Variants in DIPK1A observed in about 807,000 individuals in gnomAD.
DIPK1A encodes the protein divergent protein kinase domain 1A.
A neutral mutation model predicts 40.8 loss-of-function variants in DIPK1A; 27 were observed. The ratio of observed to expected loss-of-function variants is 0.66; its 90% CI spans 0.49 to 0.91. The LOEUF (loss-of-function observed/expected upper bound fraction) is 0.91. Ranked by LOEUF, DIPK1A falls within the 40% of genes least tolerant of loss-of-function variation. The pLI is 0.00. For missense variants in DIPK1A, 412 were observed against 505.7 expected (o/e 0.81, Z 1.78); for synonymous variants, 166 against 171.3 (o/e 0.97, Z 0.24).
At chr1:92,927,834 C>T (rs1194669641) in intron 1 of DIPK1A, among the ~76,000 whole-genome samples, 2 of 152,050 alleles carry the variant, frequency 1.3e-5, no homozygotes, top group Non-Finnish European at 2.9e-5. Flanking sequence ...ATGGATATAC[C>T]ACATTTTATT....
At chr1:92,932,779 A>G (rs6604030) in intron 1 of DIPK1A, 53,202 of 152,064 alleles carry the variant, frequency 0.35, 9,759 homozygotes, top group African/African-American at 0.38. Flanking sequence ...GTGGTTGCTA[A>G]GGGTTGGAGG....
At chr1:92,878,725 C>T (rs1474186108) in intron 1 of DIPK1A, among the ~76,000 whole-genome samples, 1 of 152,114 alleles carries the variant, frequency 6.6e-6, no homozygotes, top group Non-Finnish European at 1.5e-5. Flanking sequence ...GAGTCTGAGG[C>T]AGGAGAATAG....
chr1:92,861,737 T>C (rs1300841808), intron 2 of DIPK1A, among the ~76,000 whole-genome samples: 1 of 152,052 alleles, frequency 6.6e-6, no homozygotes, highest in Non-Finnish European at 1.5e-5. Context: ...TAAAACTCTT[T>C]CCTATGGCTT....
chr1:92,877,276 T>C (rs1185366576), intron 1 of DIPK1A: 2 of 316,806 alleles, frequency 6.3e-6, no homozygotes, highest in Admixed American at 1.3e-4. Flanking sequence ...TTGACATTTA[T>C]TTTTTGAGTC....
intron 2 of DIPK1A, among the ~76,000 whole-genome samples, chr1:92,857,035 G>T (rs1048614041): frequency 6.6e-6 from 1 of 152,190 alleles, no homozygotes; most frequent in African/African-American, 2.4e-5. Context: ...TCAGAATGAC[G>T]TGAGCAGTTT....
rs12124545 is a variant in DIPK1A, at chr1:92,906,041, C to T, written c.55-29611G>A. On this transcript the variant is annotated intron_variant, in intron 1 of 4. Transcript: ENST00000370310. ...GTTATAATAGCTCTGTAGTATAATT[C>T]TAAGTCAAGTAATGTCATTCCTTTA... 7.9e-3 allele frequency among the ~76,000 whole-genome samples: 1,194 copies of T among 152,100 alleles called. 6 individuals are homozygous for T. Among genetic ancestry groups the T allele is most frequent in the Non-Finnish European group, 0.013 (874 of 67,972 alleles).
intron 1 of DIPK1A, among the ~76,000 whole-genome samples, chr1:92,959,816 C>A (rs1263305984): frequency 6.7e-6 from 1 of 149,994 alleles, no homozygotes; most frequent in Non-Finnish European, 1.5e-5. Flanking sequence ...GGCGTGATCT[C>A]AGCTCACTGC....
intron 1 of DIPK1A, among the ~76,000 whole-genome samples, chr1:92,884,859 A>G (rs1648525739): frequency 6.6e-6 from 1 of 152,242 alleles, no homozygotes; most frequent in Admixed American, 6.5e-5. Context: ...GCTTATTAAT[A>G]TAACAATTTT....
At chr1:92,939,716 G>A (rs1651080081) in intron 1 of DIPK1A, among the ~76,000 whole-genome samples, 1 of 152,178 alleles carries the variant, frequency 6.6e-6, no homozygotes, top group Non-Finnish European at 1.5e-5. Context: ...CACTTTGGGA[G>A]GCCAAGGCAG....
chr1:92,939,446 C>T (rs1651068386), intron 1 of DIPK1A, among the ~76,000 whole-genome samples: 1 of 152,094 alleles, frequency 6.6e-6, no homozygotes, highest in Non-Finnish European at 1.5e-5. Context: ...CTTAATAGAG[C>T]AGTCAGCAGT....
At chr1:92,953,304 T>C (rs1449795203) in intron 1 of DIPK1A, among the ~76,000 whole-genome samples, 2 of 150,596 alleles carry the variant, frequency 1.3e-5, no homozygotes, top group African/African-American at 4.9e-5. Context: ...TTGTGTATTG[T>C]TGGTGGGAAT....
chr1:92,919,981 T>C (rs1650208935), intron 1 of DIPK1A, among the ~76,000 whole-genome samples: 1 of 152,252 alleles, frequency 6.6e-6, no homozygotes. Context: ...TACACAAGTA[T>C]ATCACAGGCT....
At chr1:92,932,895 G>A (rs951412874) in intron 1 of DIPK1A, 1 of 152,176 alleles carries the variant, frequency 6.6e-6, no homozygotes, top group Non-Finnish European at 1.5e-5. Context: ...CCCAAAGAAT[G>A]TACATCAAGA....
chr1:92,927,828 A>G (rs1650582412), intron 1 of DIPK1A, among the ~76,000 whole-genome samples: 1 of 152,200 alleles, frequency 6.6e-6, no homozygotes, highest in African/African-American at 2.4e-5. Flanking sequence ...CACTGTATGG[A>G]TATACCACAT....
At chr1:92,916,437 G>T (rs984528274) in intron 1 of DIPK1A, among the ~76,000 whole-genome samples, 16 of 151,832 alleles carry the variant, frequency 1.1e-4, no homozygotes, top group South Asian at 1.0e-3. Context: ...AAGTAGCTGG[G>T]ATTACAGGTG....
rs150375325 is a variant in DIPK1A at position 92,833,612 on chromosome 1, C to T, written c.475-578G>A. ...AAGATAAAAATAAATACAACACACC[C>T]AAATACAGGATGATAGTTCGTGTGA... On this transcript the variant is annotated intron_variant, in intron 4 of 4. Coordinates refer to the DIPK1A transcript ENST00000615519. 45 of 1,612,444 alleles carry T rather than the reference C, an allele frequency of 2.8e-5. No individual in the cohort carries two copies. In the African/African-American group the frequency reaches 5.3e-4, roughly 19 times the overall value.
downstream of DIPK1A, among the ~76,000 whole-genome samples, chr1:92,839,470 T>C (rs1687266989): frequency 6.6e-6 from 1 of 152,074 alleles, no homozygotes; most frequent in African/African-American, 2.4e-5. Context: ...TAGGGATAGA[T>C]TGGTGGTAGT....
At chr1:92,895,306 A>G (rs1404443033) in intron 1 of DIPK1A, among the ~76,000 whole-genome samples, 2 of 152,128 alleles carry the variant, frequency 1.3e-5, no homozygotes, top group Non-Finnish European at 2.9e-5. Flanking sequence ...CTTATCCACC[A>G]TGATCAAGTG....
In DIPK1A at chr1:92,961,269, G is replaced by A. The variant is rs1277376436; in HGVS notation, c.54+107C>T. The A allele has an allele frequency of 6.6e-6, 5 of 753,498 alleles. 1 individual carries two copies. The South Asian group carries it at 6.8e-5, about 10-fold the overall frequency. The allele number at this position is 753,498 out of a possible 1,614,324, so 46.7% of individuals were successfully genotyped here. ...GGCAGGGGGCAGCGGGGTTCGGGCG[G>A]GCACAGACCCAGGGAGGGAGGAGGG... On this transcript the variant is annotated intron_variant, in intron 1 of 4. Transcript: ENST00000370310.
Sources: gnomAD v4.1 joint callset for allele counts (sites outside exome capture counted in the v4.1 genomes callset) on GRCh38, gnomAD v4.1.1 for gene constraint, MANE v1.5 for transcripts, NCBI Gene and HGNC (gene_info 2026-07-23, HGNC 2026-07-21) for gene names.